Variants in FBXW11 observed in about 807,000 individuals in gnomAD.
The protein encoded by FBXW11 is F-box/WD repeat-containing protein 11.
Under a neutral mutation model 77.6 loss-of-function variants are expected in FBXW11, and 19 were observed. The ratio of observed to expected loss-of-function variants is 0.24; its 90% CI spans 0.17 to 0.36. The LOEUF (loss-of-function observed/expected upper bound fraction) is 0.36, where lower values mean the gene tolerates loss of function less well. Ranked by LOEUF, FBXW11 falls within the 10% of genes least tolerant of loss-of-function variation. The pLI, the probability that FBXW11 is intolerant of heterozygous loss-of-function variation, is 1.00. For synonymous variants in FBXW11, 235 were observed against 249.4 expected (o/e 0.94, Z 0.54); for missense variants, 334 against 704.2 (o/e 0.47, Z 5.95).
At chr5:171,924,723 G>C (rs867770414) in intron 2 of FBXW11, among the ~76,000 whole-genome samples, 1 of 152,204 alleles carries the variant, frequency 6.6e-6, no homozygotes, top group Middle Eastern at 3.4e-3. Context: ...CAGGGCGACA[G>C]GATTAAATGA....
At chr5:171,922,294 C>G (rs762848412) in intron 2 of FBXW11, among the ~76,000 whole-genome samples, 2 of 152,084 alleles carry the variant, frequency 1.3e-5, no homozygotes, top group African/African-American at 4.8e-5. Flanking sequence ...TATATTCCGC[C>G]AATTATTACT....
intron 2 of FBXW11, among the ~76,000 whole-genome samples, chr5:171,919,416 T>C (rs1486147485): frequency 6.6e-6 from 1 of 152,236 alleles, no homozygotes; most frequent in African/African-American, 2.4e-5. Flanking sequence ...CAATATGTGA[T>C]ATTTCATAAC....
chr5:171,901,460 G>A lies in FBXW11; in HGVS notation c.437-1360C>T, dbSNP rs532372214. On this transcript the variant is annotated intron_variant, in intron 4 of 13. Coordinates refer to ENST00000517395, the MANE Select transcript of FBXW11 (RefSeq NM_001378974.1). Reference sequence around the variant, plus strand: ...CAAACTAAAGTTCCTTCAATTCTAAGAATGACTATTATTATACCATTGGTT... The same window carrying A: ...CAAACTAAAGTTCCTTCAATTCTAAAAATGACTATTATTATACCATTGGTT... 7.9e-5 allele frequency among the ~76,000 whole-genome samples: 12 copies of A among 152,228 alleles called. 1 individual carries two copies. The South Asian group carries it at 2.5e-3, about 32-fold the overall frequency.
chr5:171,899,124 T>C (rs1463933807), intron 5 of FBXW11, 30 bp from the exon 6 acceptor site: 4 of 1,474,662 alleles, frequency 2.7e-6, no homozygotes, highest in Non-Finnish European at 3.7e-6. Flanking sequence ...AGATGTTACA[T>C]TTTTGCACAT....
In FBXW11 at chr5:171,994,262, G is replaced by A. The variant is rs567449991; in HGVS notation, c.45+12196C>T. Among the ~76,000 whole-genome samples the A allele has an allele frequency of 2.6e-5, 4 of 152,178 alleles. No homozygotes were observed. In the South Asian group the frequency reaches 8.3e-4, roughly 32 times the overall value. ...CTGCCTGGGTTCATATCTCACCTTT[G>A]TCCCTTACAAGATGTGTGACCTAAA... On this transcript the variant is annotated intron_variant, in intron 1 of 13. Coordinates refer to ENST00000517395, the MANE Select transcript of FBXW11 (RefSeq NM_001378974.1).
intron 1 of FBXW11, among the ~76,000 whole-genome samples, chr5:171,995,554 C>T (rs981608093): frequency 6.6e-5 from 10 of 152,014 alleles, no homozygotes; most frequent in South Asian, 6.2e-4. Context: ...GAGATCGAGA[C>T]CATCCTGGCT....
intron 6 of FBXW11, among the ~76,000 whole-genome samples, chr5:171,893,379 G>A (rs1383493765): frequency 1.1e-5 from 1 of 88,196 alleles, no homozygotes; most frequent in Non-Finnish European, 2.2e-5. Context: ...CATCTCTAGT[G>A]ACTTGGTAAA....
intron 1 of FBXW11, among the ~76,000 whole-genome samples, chr5:171,985,940 C>G (rs1488421301): frequency 1.3e-5 from 2 of 151,976 alleles, no homozygotes; most frequent in Non-Finnish European, 2.9e-5. Flanking sequence ...GAACAAGATT[C>G]TGACCCAAAA....
chr5:171,875,866 A>G (rs1379724886), intron 9 of FBXW11, among the ~76,000 whole-genome samples: 1 of 152,178 alleles, frequency 6.6e-6, no homozygotes, highest in Non-Finnish European at 1.5e-5. Context: ...TAAATAAAAC[A>G]TCTAAGCTCT....
At chr5:171,911,794 ATC>A in intron 3 of FBXW11, among the ~76,000 whole-genome samples, 1 of 152,360 alleles carries the variant, frequency 6.6e-6, no homozygotes, top group South Asian at 2.1e-4. Flanking sequence ...CATACACTGC[ATC>A]TGGACAGTAA....
chr5:171,971,264 T>C (rs1242074859), intron 1 of FBXW11, among the ~76,000 whole-genome samples: 1 of 152,210 alleles, frequency 6.6e-6, no homozygotes, highest in East Asian at 1.9e-4. Flanking sequence ...GCTTTTTGCA[T>C]GTGTACACAT....
intron 2 of FBXW11, among the ~76,000 whole-genome samples, chr5:171,937,337 C>T (rs931225126): frequency 6.6e-6 from 1 of 152,158 alleles, no homozygotes; most frequent in East Asian, 1.9e-4. Context: ...AAGCAAGATA[C>T]TTTCATAGCA....
At chr5:171,980,882 G>A (rs1765104133) in intron 1 of FBXW11, among the ~76,000 whole-genome samples, 1 of 152,136 alleles carries the variant, frequency 6.6e-6, no homozygotes, top group East Asian at 1.9e-4. Flanking sequence ...TTGCCTGAGT[G>A]ATAGTATTGA....
At chr5:171,965,041 G>T (rs62384560) in intron 1 of FBXW11, among the ~76,000 whole-genome samples, 2,988 of 152,028 alleles carry the variant, frequency 0.02, 39 homozygotes, top group Non-Finnish European at 0.029. Flanking sequence ...GCAGGAAGGG[G>T]AGAAAAAAAA....
chr5:171,991,261 G>A (rs773558926), intron 1 of FBXW11, among the ~76,000 whole-genome samples: 11 of 152,122 alleles, frequency 7.2e-5, no homozygotes, highest in African/African-American at 1.2e-4. Flanking sequence ...CAGTGGAGTC[G>A]CAGGAGGCCT....
chr5:171,915,613 CTGTGTGTGTGTGTG>C (rs200618306), intron 2 of FBXW11, among the ~76,000 whole-genome samples: 6 of 129,524 alleles, frequency 4.6e-5, no homozygotes, highest in Admixed American at 1.7e-4. Flanking sequence ...GTCACTCATT[CTGTGTGTGTGTGTG>C]TGTGTGTGTG....
chr5:171,910,135 G>A (rs994911749), intron 4 of FBXW11, among the ~76,000 whole-genome samples: 4 of 144,652 alleles, frequency 2.8e-5, no homozygotes, highest in Non-Finnish European at 6.0e-5. Flanking sequence ...GTATGATCTC[G>A]GCTCACTGCA....
intron 7 of FBXW11, among the ~76,000 whole-genome samples, chr5:171,889,449 A>C (rs1307810835): frequency 1.4e-5 from 2 of 147,644 alleles, no homozygotes; most frequent in Non-Finnish European, 3.0e-5. Flanking sequence ...TATTGCTTGA[A>C]CCCAGGAGGT....
At chr5:171,949,696 A>G (rs1241233612) in intron 2 of FBXW11, among the ~76,000 whole-genome samples, 1 of 152,196 alleles carries the variant, frequency 6.6e-6, no homozygotes, top group Non-Finnish European at 1.5e-5. Context: ...TAACTCATAT[A>G]ACAACCACAG....
Sources: gnomAD v4.1 joint callset for allele counts (sites outside exome capture counted in the v4.1 genomes callset) on GRCh38, gnomAD v4.1.1 for gene constraint, MANE v1.5 for transcripts, NCBI Gene and HGNC (gene_info 2026-07-23, HGNC 2026-07-21) for gene names.